The following MOB3B variants were observed in gnomAD, a reference collection of about 807,000 sequenced individuals.
The protein encoded by MOB3B is MOB kinase activator 3B.
A neutral mutation model predicts 18.7 loss-of-function variants in MOB3B; 7 were observed. The observed-to-expected ratio is 0.37, with a 90% CI of 0.21 to 0.70. The LOEUF (loss-of-function observed/expected upper bound fraction) is 0.70. MOB3B is among the 30% of genes least tolerant of loss of function. MOB3B has a pLI of 0.52. For missense variants in MOB3B, 253 were observed against 281.3 expected, an observed-to-expected ratio of 0.90 and a Z score of 0.72; for synonymous variants, 111 against 99.9, an observed-to-expected ratio of 1.11 and a Z score of -0.66.
chr9:27,465,269 T>C (rs907063494), intron 1 of MOB3B, among the ~76,000 whole-genome samples: 3 of 152,164 alleles, frequency 2.0e-5, no homozygotes, highest in Non-Finnish European at 2.9e-5. Context: ...ACAGGGCCCA[T>C]GCAAGTCCGA....
intron 2 of MOB3B, among the ~76,000 whole-genome samples, chr9:27,422,795 G>A (rs559397972): frequency 6.6e-6 from 1 of 152,308 alleles, no homozygotes; most frequent in East Asian, 1.9e-4. Flanking sequence ...AGGAGACACT[G>A]TACTGTGATC....
At chr9:27,503,461 G>A (rs1820017280) in intron 1 of MOB3B, among the ~76,000 whole-genome samples, 1 of 152,236 alleles carries the variant, frequency 6.6e-6, no homozygotes, top group Admixed American at 6.5e-5. Flanking sequence ...CCAACTGGCT[G>A]CTGTTCTTTG....
intron 1 of MOB3B, among the ~76,000 whole-genome samples, chr9:27,466,056 CA>C (rs1161045300): frequency 6.6e-6 from 1 of 152,110 alleles, no homozygotes; most frequent in South Asian, 2.1e-4. Context: ...AATTTCTCCT[CA>C]AAAAATGGGT....
At chr9:27,408,340 A>G (rs1822017809) in intron 2 of MOB3B, among the ~76,000 whole-genome samples, 1 of 152,136 alleles carries the variant, frequency 6.6e-6, no homozygotes, top group African/African-American at 2.4e-5. Flanking sequence ...TCTGCTTGAC[A>G]CTATCTAGCA....
At chr9:27,458,493 C>T (rs1190287176) in intron 1 of MOB3B, among the ~76,000 whole-genome samples, 2 of 149,678 alleles carry the variant, frequency 1.3e-5, no homozygotes, top group Non-Finnish European at 3.0e-5. Flanking sequence ...TCTAGAGATA[C>T]TCATATAACA....
chr9:27,379,407 C>A (rs546656202), intron 2 of MOB3B, among the ~76,000 whole-genome samples: 2 of 152,088 alleles, frequency 1.3e-5, no homozygotes, highest in Non-Finnish European at 2.9e-5. Flanking sequence ...CAACAATATT[C>A]GATAATTACT....
chr9:27,502,990 T>C (rs944373532), intron 1 of MOB3B, among the ~76,000 whole-genome samples: 11 of 152,186 alleles, frequency 7.2e-5, no homozygotes, highest in African/African-American at 1.9e-4. Flanking sequence ...CTGCAGACCC[T>C]TTTTCTTGGG....
chr9:27,528,725 G>T (rs1051365393), intron 1 of MOB3B, among the ~76,000 whole-genome samples: 3 of 152,190 alleles, frequency 2.0e-5, no homozygotes, highest in Non-Finnish European at 4.4e-5. Context: ...TCAGTCGGCT[G>T]CGTAGAGAGA....
intron 2 of MOB3B, among the ~76,000 whole-genome samples, chr9:27,376,072 A>G (rs1250766912): frequency 6.6e-6 from 1 of 152,242 alleles, no homozygotes; most frequent in African/African-American, 2.4e-5. Context: ...GTGTGTATGT[A>G]TATAGTTTTG....
intron 2 of MOB3B, among the ~76,000 whole-genome samples, chr9:27,419,403 C>A (rs1235499719): frequency 6.6e-6 from 1 of 152,180 alleles, no homozygotes; most frequent in Non-Finnish European, 1.5e-5. Context: ...TGATTTTAAA[C>A]TATACCATAA....
chr9:27,415,809 A>C (rs1822137295), intron 2 of MOB3B, among the ~76,000 whole-genome samples: 1 of 152,164 alleles, frequency 6.6e-6, no homozygotes, highest in African/African-American at 2.4e-5. Context: ...CCCTTAACTG[A>C]AGAGCTGTTG....
chr9:27,416,383 G>C (rs1301823504), intron 2 of MOB3B, among the ~76,000 whole-genome samples: 1 of 152,036 alleles, frequency 6.6e-6, no homozygotes, highest in Non-Finnish European at 1.5e-5. Flanking sequence ...GGATTTTTAG[G>C]AAGTTTAAAA....
chr9:27,431,471 G>A (rs1822416763), intron 2 of MOB3B, among the ~76,000 whole-genome samples: 1 of 152,218 alleles, frequency 6.6e-6, no homozygotes, highest in Non-Finnish European at 1.5e-5. Flanking sequence ...GACAGCCTTA[G>A]GCATCTTCTA....
intron 2 of MOB3B, among the ~76,000 whole-genome samples, chr9:27,401,116 A>G (rs1294712671): frequency 6.6e-6 from 1 of 152,172 alleles, no homozygotes; most frequent in Non-Finnish European, 1.5e-5. Flanking sequence ...CGGGCCAGGG[A>G]ACTGAAGAGC....
chr9:27,341,811 C>A (rs534924658), intron 3 of MOB3B, among the ~76,000 whole-genome samples: 3 of 152,088 alleles, frequency 2.0e-5, no homozygotes, highest in Non-Finnish European at 4.4e-5. Flanking sequence ...CTTGGCAGAG[C>A]GAGAATTCAA....
chr9:27,379,249 T>G (rs868865744), intron 2 of MOB3B, among the ~76,000 whole-genome samples: 12 of 152,152 alleles, frequency 7.9e-5, no homozygotes, highest in African/African-American at 2.2e-4. Flanking sequence ...GGCTCTTGGG[T>G]GCATCTCAGG....
At chr9:27,384,665 G>T (rs1462828940) in intron 2 of MOB3B, among the ~76,000 whole-genome samples, 1 of 152,152 alleles carries the variant, frequency 6.6e-6, no homozygotes, top group Non-Finnish European at 1.5e-5. Context: ...GGACTGGAAG[G>T]CAGCAATGCT....
intron 1 of MOB3B, among the ~76,000 whole-genome samples, chr9:27,471,232 G>T (rs112840543): frequency 6.6e-6 from 1 of 152,148 alleles, no homozygotes; most frequent in African/African-American, 2.4e-5. Context: ...CATATCCAGT[G>T]GTCCATGGGC....
intron 1 of MOB3B, among the ~76,000 whole-genome samples, chr9:27,464,188 T>C (rs1384684854): frequency 6.6e-6 from 1 of 152,064 alleles, no homozygotes; most frequent in African/African-American, 2.4e-5. Flanking sequence ...CAAATGTGTG[T>C]TTACGAATAA....
Sources: allele counts gnomAD v4.1 joint callset (sites outside exome capture counted in the v4.1 genomes callset), GRCh38; gene constraint gnomAD v4.1.1; transcripts MANE v1.5; gene names NCBI Gene and HGNC (gene_info 2026-07-23, HGNC 2026-07-21).